Variants in FBXL13 observed in about 807,000 individuals in gnomAD.
The protein encoded by FBXL13 is F-box and leucine-rich repeat protein 13.
Under a neutral mutation model 83.6 loss-of-function variants are expected in FBXL13, and 67 were observed. The ratio of observed to expected loss-of-function variants is 0.80; its 90% CI spans 0.66 to 0.98. FBXL13 has a LOEUF of 0.98. Among genes scored for constraint, FBXL13 ranks in the 50% least tolerant of loss-of-function variants. FBXL13 has a pLI of 0.00. For missense variants in FBXL13, 822 were observed against 866.5 expected, an observed-to-expected ratio of 0.95 and a Z score of 0.64; for synonymous variants, 272 against 299.5, an observed-to-expected ratio of 0.91 and a Z score of 0.95.
At chr7:102,897,254 G>T (rs1052974159) in intron 11 of FBXL13, among the ~76,000 whole-genome samples, 1 of 151,980 alleles carries the variant, frequency 6.6e-6, no homozygotes, top group East Asian at 1.9e-4. Context: ...AAGGGAGTAG[G>T]TATAGCTGGA....
chr7:103,002,323 C>CT (rs200629792), intron 6 of FBXL13, among the ~76,000 whole-genome samples: 34 of 151,958 alleles, frequency 2.2e-4, no homozygotes, highest in South Asian at 4.1e-4. Context: ...CAATCTACCA[C>CT]TTTTTTTTGT....
intron 11 of FBXL13, among the ~76,000 whole-genome samples, chr7:102,911,903 T>G (rs1814747540): frequency 6.6e-6 from 1 of 152,174 alleles, no homozygotes; most frequent in African/African-American, 2.4e-5. Context: ...CAGCCCTAAC[T>G]TAGAATCCTC....
intron 8 of FBXL13, chr7:102,933,780 G>T: frequency 1.2e-6 from 1 of 847,986 alleles, no homozygotes; most frequent in South Asian, 2.0e-5. Context: ...CCAGCCTAGG[G>T]ACTCCACGTA....
chr7:103,012,336 T>C (rs959989921), intron 6 of FBXL13, among the ~76,000 whole-genome samples: 6 of 150,014 alleles, frequency 4.0e-5, no homozygotes, highest in South Asian at 2.1e-4. Flanking sequence ...GATTGTGCCA[T>C]TGCACTCCAG....
intron 1 of FBXL13, among the ~76,000 whole-genome samples, chr7:103,069,914 T>G (rs190451153): frequency 0.011 from 1,671 of 151,946 alleles, 34 homozygotes; most frequent in African/African-American, 0.039. Context: ...CCGTCTCTAC[T>G]AAAAATACAA....
At chr7:102,909,253 TGTG>T (rs770339798) in intron 11 of FBXL13, among the ~76,000 whole-genome samples, 1 of 150,110 alleles carries the variant, frequency 6.7e-6, no homozygotes, top group Non-Finnish European at 1.5e-5. Flanking sequence ...TAAGTCAGCT[TGTG>T]GTGAATGCTG....
At chr7:103,066,276 T>A (rs1798381301) in intron 1 of FBXL13, among the ~76,000 whole-genome samples, 1 of 152,248 alleles carries the variant, frequency 6.6e-6, no homozygotes, top group Non-Finnish European at 1.5e-5. Context: ...GCAGAGTACT[T>A]CATTTCTTTA....
chr7:102,853,821 A>T (rs1367843317), intron 17 of FBXL13, among the ~76,000 whole-genome samples: 1 of 152,216 alleles, frequency 6.6e-6, no homozygotes, highest in Non-Finnish European at 1.5e-5. Context: ...CCACAATGAG[A>T]TATCATCTCA....
intron 6 of FBXL13, among the ~76,000 whole-genome samples, chr7:102,989,654 G>A (rs558982807): frequency 1.3e-5 from 2 of 152,206 alleles, no homozygotes; most frequent in Non-Finnish European, 2.9e-5. Flanking sequence ...ACCGAGGGGC[G>A]AGTCTATCTG....
intron 2 of FBXL13, among the ~76,000 whole-genome samples, chr7:103,038,324 G>A (rs1336956590): frequency 7.3e-5 from 11 of 150,836 alleles, no homozygotes; most frequent in Non-Finnish European, 1.3e-4. Context: ...CAAACTGGGC[G>A]GAGCCCACCA....
At chr7:103,022,069 TG>T in intron 6 of FBXL13, among the ~76,000 whole-genome samples, 1 of 152,124 alleles carries the variant, frequency 6.6e-6, no homozygotes, top group Non-Finnish European at 1.5e-5. Flanking sequence ...AGCAAAGACT[TG>T]GAACCAACCC....
intron 6 of FBXL13, among the ~76,000 whole-genome samples, chr7:102,979,905 G>C (rs1827974021): frequency 6.6e-6 from 1 of 152,092 alleles, no homozygotes; most frequent in African/African-American, 2.4e-5. Flanking sequence ...AATGATAACA[G>C]AAATTGAATC....
At chr7:103,012,459 C>T (rs10241926) in intron 6 of FBXL13, among the ~76,000 whole-genome samples, 1,806 of 151,866 alleles carry the variant, frequency 0.012, 34 homozygotes, top group African/African-American at 0.041. Context: ...GCAGACCTGT[C>T]GGCAGAAACC....
chr7:103,039,272 A>T (rs1211471196), intron 2 of FBXL13, among the ~76,000 whole-genome samples: 3 of 152,330 alleles, frequency 2.0e-5, no homozygotes, highest in Admixed American at 1.3e-4. Flanking sequence ...AGATTAGAGA[A>T]AAAAGAGTGA....
chr7:102,865,608 C>T (rs1477269533), intron 16 of FBXL13, among the ~76,000 whole-genome samples: 1 of 152,096 alleles, frequency 6.6e-6, no homozygotes, highest in Non-Finnish European at 1.5e-5. Flanking sequence ...ATGGCGTGAT[C>T]TCAGTTCACT....
chr7:103,033,983 C>CA (rs1563250036), intron 2 of FBXL13, among the ~76,000 whole-genome samples: 1 of 152,048 alleles, frequency 6.6e-6, no homozygotes, highest in Non-Finnish European at 1.5e-5. Flanking sequence ...AAAGGTTCTC[C>CA]AAGTCCCCAC....
exon 2 of FBXL13, chr7:103,055,733 A>G (rs1797268323): frequency 7.8e-7 from 1 of 1,274,890 alleles, no homozygotes; most frequent in African/African-American, 1.5e-5. Context: ...TAACAAGTAT[A>G]CCACATAACA....
chr7:102,854,652 A>G, intron 17 of FBXL13, 125 bp downstream of exon 18: 1 of 540,196 alleles, frequency 1.9e-6, no homozygotes, highest in Non-Finnish European at 3.2e-6. Context: ...ACTAAAGGCA[A>G]AAGTGATTTA....
At chr7:102,958,346 T>C (rs1270704159) in intron 8 of FBXL13, among the ~76,000 whole-genome samples, 1 of 149,488 alleles carries the variant, frequency 6.7e-6, no homozygotes, top group Non-Finnish European at 1.5e-5. Flanking sequence ...TGAGATCACT[T>C]GAACACAGGG....
Sources: allele counts gnomAD v4.1 joint callset (sites outside exome capture counted in the v4.1 genomes callset), GRCh38; gene constraint gnomAD v4.1.1; transcripts MANE v1.5; gene names NCBI Gene and HGNC (gene_info 2026-07-23, HGNC 2026-07-21).